Variants in FSIP2 observed in about 807,000 individuals in gnomAD.
FSIP2 encodes fibrous sheath-interacting protein 2.
Under a neutral mutation model 510.5 loss-of-function variants are expected in FSIP2, and 367 were observed. The observed-to-expected ratio is 0.72, with a 90% confidence interval of 0.66 to 0.78. FSIP2 has a LOEUF of 0.78. Among genes scored for constraint, FSIP2 ranks in the 30% least tolerant of loss-of-function variants. The pLI is 0.00. For missense variants in FSIP2, 7,594 were observed against 7,901.7 expected (o/e 0.96, Z 1.48); for synonymous variants, 2,601 against 2,732.2 (o/e 0.95, Z 1.50).
At position 185,807,594 on chromosome 2, in the gene FSIP2, T is replaced by C. The variant is rs765173828; in HGVS notation, c.18288T>C (p.Phe6096=). The C allele has an allele frequency of 6.2e-7, 1 of 1,612,646 alleles. No individual in the cohort carries two copies. The highest frequency in any genetic ancestry group is 1.1e-5 in the South Asian group (1 of 90,944). The change falls in exon 17 of 23, where the codon TTT becomes TTC. Residue 6096 remains phenylalanine, a synonymous_variant. Transcript: ENST00000424728. ...QSVYNNLLPQ[F]GSQEIIQNCV... Reference sequence around the variant, plus strand: ...TTTATAATAATCTCTTGCCACAGTTTGGATCACAAGAGATTATACAAAATT... The same window carrying C: ...TTTATAATAATCTCTTGCCACAGTTCGGATCACAAGAGATTATACAAAATT...
chr2:185,761,682 C>G (rs1692354949), intron 10 of FSIP2, among the ~76,000 whole-genome samples: 1 of 151,202 alleles, frequency 6.6e-6, no homozygotes, highest in African/African-American at 2.4e-5. Context: ...CTTTTTAGAA[C>G]CAACCACAGC....
chr2:185,827,348 G>A lies in FSIP2; in HGVS notation c.20474-808G>A, dbSNP rs1455546852. On this transcript the variant is annotated intron_variant, in intron 20 of 22. Coordinates refer to ENST00000424728, the MANE Select transcript of FSIP2 (RefSeq NM_173651.4). ...CTTGATGAGTGTAGCTATATAAAATGCATAGTTTTTTCTTATATGATATCT... is the reference window on the plus strand; with the variant it reads ...CTTGATGAGTGTAGCTATATAAAATACATAGTTTTTTCTTATATGATATCT... Among the ~76,000 whole-genome samples the A allele has an allele frequency of 2.0e-5, 3 of 151,784 alleles. No individual in the cohort carries two copies. The East Asian group carries it at 5.9e-4, about 30-fold the overall frequency.
chr2:185,744,453 G>A, intron 4 of FSIP2, 42 bp downstream of exon 4: 1 of 456,850 alleles, frequency 2.2e-6, no homozygotes, highest in Non-Finnish European at 3.6e-6. Context: ...CATAGAGTTT[G>A]GAAGAAATGC....
At chr2:185,740,129 T>C (rs1691895101) in intron 2 of FSIP2, among the ~76,000 whole-genome samples, 1 of 152,194 alleles carries the variant, frequency 6.6e-6, no homozygotes, top group South Asian at 2.1e-4. Context: ...ACCATGCTAA[T>C]ACTTCAGTAT....
chr2:185,793,612 T>C lies in FSIP2; in HGVS notation c.6476T>C (p.Ile2159Thr), dbSNP rs1028204085. ...KSDVILISNDIVNIVLHNLSS... is the reference protein window; with the variant it reads ...KSDVILISNDTVNIVLHNLSS... Reference sequence around the variant, plus strand: ...GATGTCATTTTGATATCCAATGATATAGTGAATATTGTTCTTCATAATCTC... The same window carrying C: ...GATGTCATTTTGATATCCAATGATACAGTGAATATTGTTCTTCATAATCTC... Residue 2159 changes from isoleucine to threonine, a missense_variant, in exon 16 of 23, where the codon ATA (isoleucine) becomes ACA (threonine). By Grantham distance (89) the Ile-to-Thr change is moderately conservative. Transcript: ENST00000424728. 6 of 1,533,962 alleles carry C rather than the reference T, an allele frequency of 3.9e-6. No homozygotes were observed. In the East Asian group the frequency reaches 7.3e-5, roughly 19 times the overall value.
chr2:185,789,942 C>G lies in FSIP2; in HGVS notation c.2806C>G (p.Gln936Glu), dbSNP rs763279719. 14 of 1,534,196 alleles carry G rather than the reference C, an allele frequency of 9.1e-6. No individual in the cohort carries two copies. In the African/African-American group the frequency reaches 1.5e-4, roughly 17 times the overall value. ...ATCTGAAGAAACCGTAGTACTCCTT[C>G]AGCTACTTGAGGACATCCTTTTTCA... ...IASEETVVLL[Q>E]LLEDILFQLH... The change falls in exon 16 of 23, where the codon CAG (glutamine) becomes GAG (glutamate). Residue 936 changes from glutamine (Q) to glutamate (E), a missense_variant. Physicochemically the swap from Gln to Glu is conservative, Grantham distance 29 (BLOSUM62 2). Transcript: ENST00000424728.
In FSIP2 at chr2:185,801,232, T is replaced by C; in HGVS notation, c.11926T>C (p.Leu3976=). The change falls in exon 17 of 23, where the codon TTG becomes CTG. Residue 3976 remains leucine, a synonymous_variant. Transcript: ENST00000424728. ...IYAGVYSATF[L]EGIISELFFN... is the part of the protein sequence containing the mutation. ...TGCTGGTGTTTATTCAGCCACATTTTTGGAAGGAATAATTTCAGAATTGTT... is the reference window on the plus strand; with the variant it reads ...TGCTGGTGTTTATTCAGCCACATTTCTGGAAGGAATAATTTCAGAATTGTT... 6.5e-7 allele frequency: 1 copy of C among 1,534,260 alleles called. No individual in the cohort carries two copies. The highest frequency in any genetic ancestry group is 1.2e-5 in the South Asian group (1 of 84,018).
intron 13 of FSIP2, 152 bp downstream of exon 13, chr2:185,764,717 A>AT (rs1457307850): frequency 8.7e-6 from 5 of 577,664 alleles, no homozygotes; most frequent in African/African-American, 7.6e-5. Context: ...TTCTTACAGT[A>AT]TACTTGGAAA....
rs775464624 is a variant in FSIP2 at position 185,802,013 on chromosome 2, T to C, written c.12707T>C (p.Val4236Ala). 8 of 1,527,626 alleles carry C rather than the reference T, an allele frequency of 5.2e-6. No individual in the cohort carries two copies. The highest frequency in any genetic ancestry group is 7.0e-6 in the Non-Finnish European group (8 of 1,143,170). 94.6% of individuals were successfully genotyped at this position (1,527,626 alleles called of 1,614,324 possible). ...DSLVSIQKSI[V>A]SRSPIMIDQI... ...CTTGTTTCAATACAAAAAAGTATAG[T>C]AAGCCGAAGCCCAATTATGATTGAC... is the stretch of plus-strand genomic sequence containing the variant. The change falls in exon 17 of 23, where the codon GTA becomes GCA. Residue 4236 changes from valine (V) to alanine (A), a missense_variant. Coordinates refer to ENST00000424728, the MANE Select transcript of FSIP2 (RefSeq NM_173651.4).
intron 13 of FSIP2, among the ~76,000 whole-genome samples, chr2:185,779,999 G>A (rs1346788601): frequency 6.6e-6 from 1 of 150,786 alleles, no homozygotes; most frequent in Non-Finnish European, 1.5e-5. Context: ...CTTGAACCTG[G>A]GAGGCAGAGG....
At chr2:185,829,208 T>C (rs1694067228) in intron 21 of FSIP2, among the ~76,000 whole-genome samples, 1 of 151,912 alleles carries the variant, frequency 6.6e-6, no homozygotes, top group African/African-American at 2.4e-5. Context: ...CCCTCTTTGC[T>C]ACCTTTTCCA....
At position 185,804,879 on chromosome 2, in the gene FSIP2, C is replaced by G. The variant is rs1456194652; in HGVS notation, c.15573C>G (p.Val5191=). 1.3e-6 allele frequency: 2 copies of G among 1,522,336 alleles called. No homozygotes were observed. Among genetic ancestry groups the G allele is most frequent in the Non-Finnish European group, 1.8e-6 (2 of 1,141,446 alleles). 94.3% of individuals were successfully genotyped at this position (1,522,336 alleles called of 1,614,324 possible). The change falls in exon 17 of 23, where the codon GTC becomes GTG. Residue 5191 remains valine (V), a synonymous_variant. Coordinates refer to ENST00000424728, the MANE Select transcript of FSIP2 (RefSeq NM_173651.4). ...SMQLEPIENL[V]DSICNNILKT... ...AGTTAGAACCTATTGAAAATTTGGTCGACTCCATATGTAATAATATTTTGA... is the reference window on the plus strand; with the variant it reads ...AGTTAGAACCTATTGAAAATTTGGTGGACTCCATATGTAATAATATTTTGA...
At position 185,807,083 on chromosome 2, in the gene FSIP2, A is replaced by G; in HGVS notation, c.17777A>G (p.Asn5926Ser). Residue 5926 changes from asparagine (N) to serine (S), a missense_variant, in exon 17 of 23, where the codon AAT becomes AGT. Coordinates refer to ENST00000424728, the MANE Select transcript of FSIP2 (RefSeq NM_173651.4). ...VVHSSVCNIL[N>S]DYGSQDSIWK... ...CACTCCTCTGTTTGTAATATTTTAAATGACTATGGATCTCAAGACTCTATT... is the reference window on the plus strand; with the variant it reads ...CACTCCTCTGTTTGTAATATTTTAAGTGACTATGGATCTCAAGACTCTATT... The G allele has an allele frequency of 6.3e-6, 10 of 1,589,604 alleles. No homozygotes were observed. The South Asian group carries it at 1.2e-4, about 18-fold the overall frequency.
intron 4 of FSIP2, chr2:185,744,728 A>T (rs1209320301): frequency 6.5e-6 from 1 of 154,658 alleles, no homozygotes; most frequent in African/African-American, 2.4e-5. Context: ...TGGCAGAAAG[A>T]TTCTTAAATT....
chr2:185,775,690 G>T (rs1485529503), intron 13 of FSIP2, among the ~76,000 whole-genome samples: 4 of 152,146 alleles, frequency 2.6e-5, no homozygotes, highest in African/African-American at 4.8e-5. Flanking sequence ...CTTTCATGGA[G>T]CCTCATTCTC....
rs369142741 is a variant in FSIP2 at position 185,806,171 on chromosome 2, A to C, written c.16865A>C (p.Lys5622Thr). 20 of 1,583,848 alleles carry C rather than the reference A, an allele frequency of 1.3e-5. No homozygotes were observed. The highest frequency in any genetic ancestry group is 1.6e-5 in the Non-Finnish European group (19 of 1,170,768). ...AATGCAAGGGAAAGCTCATTTAAAA[A>C]AGATGACAAGCTCTTTCAGTTATCC... is the stretch of plus-strand genomic sequence containing the variant. ...IDNARESSFK[K>T]DDKLFQLSSL... Residue 5622 changes from lysine (K) to threonine (T), a missense_variant, in exon 17 of 23, where the codon AAA becomes ACA. Transcript: ENST00000424728.
chr2:185,780,663 T>C (rs1052000021), intron 13 of FSIP2, among the ~76,000 whole-genome samples: 5 of 152,024 alleles, frequency 3.3e-5, no homozygotes, highest in African/African-American at 4.8e-5. Context: ...TTTTAATATA[T>C]TGTTTTTGTT....
chr2:185,788,925 A>G lies in FSIP2; in HGVS notation c.1789A>G (p.Thr597Ala), dbSNP rs868294619. The change falls in exon 16 of 23, where the codon ACA (threonine) becomes GCA (alanine). Residue 597 changes from threonine to alanine, a missense_variant. Transcript: ENST00000424728. ...VVDTSVRRPTTPIKPPPAHVE... is the reference protein window; with the variant it reads ...VVDTSVRRPTAPIKPPPAHVE... Reference sequence around the variant, plus strand: ...TGACACGTCAGTAAGGAGACCAACCACACCTATAAAACCTCCTCCTGCACA... The same window carrying G: ...TGACACGTCAGTAAGGAGACCAACCGCACCTATAAAACCTCCTCCTGCACA... 16 of 1,534,996 alleles carry G rather than the reference A, an allele frequency of 1.0e-5. No individual in the cohort carries two copies. The African/African-American group carries it at 1.9e-4, about 18-fold the overall frequency.
chr2:185,807,948 A>T lies in FSIP2; in HGVS notation c.18642A>T (p.Ser6214=), dbSNP rs770766706. The T allele has an allele frequency of 6.2e-7, 1 of 1,607,170 alleles. No individual in the cohort carries two copies. The highest frequency in any genetic ancestry group is 1.1e-5 in the South Asian group (1 of 89,692). The change falls in exon 17 of 23, where the codon TCA becomes TCT. Residue 6214 remains serine, a synonymous_variant. Transcript: ENST00000424728. ...AGACTGATATGCAAAAAATAACTTC[A>T]AAAGTACTAAATTCAGTCCAAGAAT... ...SLETDMQKIT[S]KVLNSVQEFI... is the part of the protein sequence containing the mutation.
Sources: allele counts gnomAD v4.1 joint callset (sites outside exome capture counted in the v4.1 genomes callset), GRCh38; gene constraint gnomAD v4.1.1; transcripts MANE v1.5; gene names NCBI Gene and HGNC (gene_info 2026-07-23, HGNC 2026-07-21).